Variants in DLG2 observed in about 807,000 individuals in gnomAD.
DLG2 encodes disks large homolog 2.
Under a neutral mutation model 132.5 loss-of-function variants are expected in DLG2, and 45 were observed. The ratio of observed to expected loss-of-function variants is 0.34; its 90% CI spans 0.27 to 0.44. DLG2 has a LOEUF of 0.44. DLG2 is among the 20% of genes least tolerant of loss of function. DLG2 has a pLI of 1.00. For synonymous variants in DLG2, 424 were observed against 419.6 expected (o/e 1.01, Z -0.13); for missense variants, 1,045 against 1,196.9 (o/e 0.87, Z 1.87).
intron 5 of DLG2, among the ~76,000 whole-genome samples, chr11:85,126,658 C>T (rs2075151048): frequency 6.6e-6 from 1 of 152,052 alleles, no homozygotes; most frequent in Admixed American, 6.6e-5. Context: ...GTAGACATGC[C>T]ACCTTGCAGA....
At chr11:83,546,738 C>G (rs564472764) in intron 19 of DLG2, among the ~76,000 whole-genome samples, 4 of 152,196 alleles carry the variant, frequency 2.6e-5, no homozygotes, top group African/African-American at 7.2e-5. Context: ...GTACTTAGAT[C>G]TTATACCTAA....
chr11:84,917,449 G>A lies in DLG2; in HGVS notation c.357+194212C>T, dbSNP rs541056355. 2.0e-5 allele frequency among the ~76,000 whole-genome samples: 3 copies of A among 152,268 alleles called. No individual in the cohort carries two copies. The South Asian group carries it at 6.2e-4, about 32-fold the overall frequency. On this transcript the variant is annotated intron_variant, in intron 6 of 27. Transcript: ENST00000376104. ...GTAGATTGCTAAAAAGGTTTCCAGTGGAACAGACTTGGTTTAGAAGGTGAC... is the reference window on the plus strand; with the variant it reads ...GTAGATTGCTAAAAAGGTTTCCAGTAGAACAGACTTGGTTTAGAAGGTGAC...
chr11:84,858,144 C>T (rs1451282237), intron 6 of DLG2, among the ~76,000 whole-genome samples: 1 of 152,060 alleles, frequency 6.6e-6, no homozygotes, highest in Non-Finnish European at 1.5e-5. Context: ...CTGCCTGCCT[C>T]AGCCTCCTAA....
At chr11:85,235,229 T>A (rs975543687) in intron 4 of DLG2, among the ~76,000 whole-genome samples, 2 of 152,042 alleles carry the variant, frequency 1.3e-5, no homozygotes, top group African/African-American at 4.8e-5. Context: ...ACAGTTTCAA[T>A]TTTTAATAGC....
At chr11:84,204,947 A>G (rs960576039) in intron 8 of DLG2, among the ~76,000 whole-genome samples, 2 of 151,924 alleles carry the variant, frequency 1.3e-5, no homozygotes, top group Non-Finnish European at 2.9e-5. Context: ...CAGGTGATAC[A>G]CCCGCCTCAG....
At chr11:84,721,134 C>T (rs1308710586) in intron 6 of DLG2, among the ~76,000 whole-genome samples, 3 of 152,088 alleles carry the variant, frequency 2.0e-5, no homozygotes, top group Non-Finnish European at 4.4e-5. Flanking sequence ...CCTCCGAGGC[C>T]GACTTCCCGG....
chr11:84,383,049 G>A (rs1377716382), intron 7 of DLG2, among the ~76,000 whole-genome samples: 1 of 151,822 alleles, frequency 6.6e-6, no homozygotes, highest in African/African-American at 2.4e-5. Context: ...CTCTGACCAT[G>A]GTGCTTCCTG....
intron 10 of DLG2, among the ~76,000 whole-genome samples, chr11:84,080,848 T>C (rs2096891358): frequency 6.6e-6 from 1 of 151,900 alleles, no homozygotes; most frequent in Admixed American, 6.6e-5. Flanking sequence ...AAAAATTAGC[T>C]GGGCGTGGTG....
intron 3 of DLG2, among the ~76,000 whole-genome samples, chr11:85,521,124 G>T (rs2074276043): frequency 6.6e-6 from 1 of 152,174 alleles, no homozygotes; most frequent in South Asian, 2.1e-4. Context: ...GATGTGGTCT[G>T]GCTCTGTGTC....
intron 3 of DLG2, among the ~76,000 whole-genome samples, chr11:85,305,033 A>T (rs1021451033): frequency 6.6e-6 from 1 of 152,216 alleles, no homozygotes; most frequent in Non-Finnish European, 1.5e-5. Flanking sequence ...GGTTCTCAGT[A>T]AATATTTGTT....
intron 21 of DLG2, among the ~76,000 whole-genome samples, chr11:83,532,452 T>C (rs1208039371): frequency 6.6e-6 from 1 of 152,128 alleles, no homozygotes; most frequent in Non-Finnish European, 1.5e-5. Flanking sequence ...TTCTTCTTCA[T>C]TGTAGTCATT....
chr11:85,109,734 T>C (rs1462195824), intron 6 of DLG2, among the ~76,000 whole-genome samples: 1 of 152,148 alleles, frequency 6.6e-6, no homozygotes, highest in Non-Finnish European at 1.5e-5. Flanking sequence ...TTCATGTTTA[T>C]ATTTCCAGCA....
In DLG2 at chr11:84,986,265, C is replaced by T. The variant is rs536480526; in HGVS notation, c.357+125396G>A. 4.6e-5 allele frequency among the ~76,000 whole-genome samples: 7 copies of T among 151,868 alleles called. No homozygotes were observed. The South Asian group carries it at 1.5e-3, about 32-fold the overall frequency. On this transcript the variant is annotated intron_variant, in intron 6 of 27. Transcript: ENST00000376104. ...GCTTAAATCGGGAAGAACTAGATAC[C>T]CTGAACAGAAAAACAACAAGCAGCG...
At chr11:83,847,451 T>C (rs574862532) in intron 16 of DLG2, among the ~76,000 whole-genome samples, 2 of 152,312 alleles carry the variant, frequency 1.3e-5, no homozygotes, top group Non-Finnish European at 2.9e-5. Flanking sequence ...TAGTGTGATA[T>C]GGGGAAAATG....
chr11:83,589,788 G>C (rs2097155758), intron 19 of DLG2, among the ~76,000 whole-genome samples: 1 of 148,358 alleles, frequency 6.7e-6, no homozygotes, highest in Admixed American at 6.8e-5. Flanking sequence ...ATAAAAGGAT[G>C]GAGGAAGATC....
At chr11:84,978,205 G>A (rs2055195462) in intron 6 of DLG2, among the ~76,000 whole-genome samples, 1 of 152,154 alleles carries the variant, frequency 6.6e-6, no homozygotes. Context: ...GAAAGCTAAA[G>A]GAGTTTTCTA....
intron 6 of DLG2, among the ~76,000 whole-genome samples, chr11:84,617,180 T>C (rs538283153): frequency 8.0e-5 from 12 of 149,660 alleles, no homozygotes; most frequent in African/African-American, 2.7e-4. Flanking sequence ...TTCCCCTCCC[T>C]GTGTCCATGT....
chr11:84,554,664 T>G (rs901203607), intron 6 of DLG2, among the ~76,000 whole-genome samples: 1 of 152,026 alleles, frequency 6.6e-6, no homozygotes, highest in Non-Finnish European at 1.5e-5. Context: ...GAGAATCACT[T>G]GAACACAGGA....
intron 10 of DLG2, among the ~76,000 whole-genome samples, chr11:84,061,343 T>C (rs1189622648): frequency 6.6e-6 from 1 of 152,220 alleles, no homozygotes; most frequent in Admixed American, 6.5e-5. Flanking sequence ...TAAATGTTTG[T>C]TATTGATAAC....
Sources: gnomAD v4.1 joint callset for allele counts (sites outside exome capture counted in the v4.1 genomes callset) on GRCh38, gnomAD v4.1.1 for gene constraint, MANE v1.5 for transcripts, NCBI Gene and HGNC (gene_info 2026-07-23, HGNC 2026-07-21) for gene names.